ASTN1: variants seen among roughly 807,000 people sequenced by gnomAD.
ASTN1 encodes astrotactin 1.
A neutral mutation model predicts 140.7 loss-of-function variants in ASTN1; 41 were observed. That is an observed-to-expected ratio of 0.29 (90% confidence interval 0.23 to 0.38). The LOEUF is 0.38. ASTN1 is among the 10% of genes least tolerant of loss of function. ASTN1 has a pLI of 1.00. For missense variants in ASTN1, 1,479 were observed against 1,678.8 expected (o/e 0.88, Z 2.08); for synonymous variants, 640 against 652.2 (o/e 0.98, Z 0.29).
chr1:177,143,887 T>C, intron 1 of ASTN1, among the ~76,000 whole-genome samples: 1 of 152,138 alleles, frequency 6.6e-6, no homozygotes. Context: ...AAAATGACAA[T>C]TAGGAGAAGC....
At position 177,164,462 on chromosome 1, in the gene ASTN1, T is replaced by C. The variant is rs1647591557; in HGVS notation, c.215A>G (p.Asn72Ser). 1 of 1,613,554 alleles carries C rather than the reference T, an allele frequency of 6.2e-7. No homozygotes were observed. Among genetic ancestry groups the C allele is most frequent in the East Asian group, 2.2e-5 (1 of 44,810 alleles). Residue 72 changes from asparagine (N) to serine (S), a missense_variant, in exon 1 of 23, where the codon AAC (asparagine) becomes AGC (serine). Coordinates refer to ENST00000361833, the MANE Select transcript of ASTN1 (RefSeq NM_004319.3). ...CACGACCATTTCTCCCGGGAAGTCG[T>C]TGCGCACCGAGAAGAGGAGCTTGGG... ...SEPKLLFSVRNDFPGEMVVVD... is the reference protein window; with the variant it reads ...SEPKLLFSVRSDFPGEMVVVD...
At chr1:177,148,342 C>G (rs554701664) in intron 1 of ASTN1, among the ~76,000 whole-genome samples, 1 of 150,656 alleles carries the variant, frequency 6.6e-6, no homozygotes, top group Non-Finnish European at 1.5e-5. Context: ...GGCGTGAACC[C>G]GGGAGGTGGA....
At chr1:176,952,521 A>G (rs1307782893) in intron 11 of ASTN1, among the ~76,000 whole-genome samples, 1 of 152,052 alleles carries the variant, frequency 6.6e-6, no homozygotes, top group Non-Finnish European at 1.5e-5. Flanking sequence ...ACCCAAAATA[A>G]TTTTCTTCTT....
chr1:176,960,210 T>A (rs911316774), intron 9 of ASTN1, among the ~76,000 whole-genome samples: 2 of 152,194 alleles, frequency 1.3e-5, no homozygotes, highest in African/African-American at 4.8e-5. Flanking sequence ...CATTTCATAA[T>A]GGACATCCTT....
At chr1:176,938,952 T>TA (rs35635536) in intron 14 of ASTN1, among the ~76,000 whole-genome samples, 125 of 148,818 alleles carry the variant, frequency 8.4e-4, no homozygotes, top group South Asian at 1.1e-3. Flanking sequence ...CATCTTTACT[T>TA]AAAAAAAAAC....
At chr1:176,922,797 G>A (rs866440306) in intron 16 of ASTN1, among the ~76,000 whole-genome samples, 34 of 152,082 alleles carry the variant, frequency 2.2e-4, no homozygotes, top group African/African-American at 7.7e-4. Context: ...ATTTTACCCA[G>A]GGCAAGTTTT....
chr1:176,957,508 T>A (rs1439879962), intron 11 of ASTN1, among the ~76,000 whole-genome samples, 170 bp downstream of exon 11: 1 of 152,182 alleles, frequency 6.6e-6, no homozygotes, highest in Non-Finnish European at 1.5e-5. Context: ...ACTAACTGAT[T>A]CATGATTACC....
At chr1:176,999,709 G>A (rs1674626275) in intron 8 of ASTN1, among the ~76,000 whole-genome samples, 1 of 152,098 alleles carries the variant, frequency 6.6e-6, no homozygotes, top group Admixed American at 6.5e-5. Flanking sequence ...ATGTCAGTAT[G>A]GGGAGGGACC....
intron 17 of ASTN1, among the ~76,000 whole-genome samples, chr1:176,889,854 A>G (rs1255002437): frequency 2.0e-5 from 3 of 152,224 alleles, no homozygotes; most frequent in African/African-American, 7.2e-5. Context: ...CCTGAGTTCA[A>G]CATGACTCAC....
rs1259096805 is a variant in ASTN1, at chr1:177,164,708, G to A, written c.-32C>T. The stretch of plus-strand genomic sequence containing the variant: ...CCCCGGCCGCCTTCCTCCTAGCGCT[G>A]CGATGGTGGGGGAGGAAGCGAGCGG... On this transcript the variant is annotated 5_prime_UTR_variant, in exon 1 of 23. Transcript: ENST00000361833. 5 of 1,515,354 alleles carry A rather than the reference G, an allele frequency of 3.3e-6. No homozygotes were observed. Among genetic ancestry groups the A allele is most frequent in the Non-Finnish European group, 4.4e-6 (5 of 1,135,932 alleles). The allele number at this position is 1,515,354 out of a possible 1,614,324, so 93.9% of individuals were successfully genotyped here.
downstream of ASTN1, chr1:176,857,671 GA>G: frequency 6.9e-6 from 4 of 583,322 alleles, no homozygotes; most frequent in Middle Eastern, 4.1e-4. Flanking sequence ...AGGAGTGTGG[GA>G]AAAGTTTCAA....
chr1:177,002,717 G>T (rs576901106), intron 8 of ASTN1, among the ~76,000 whole-genome samples: 2 of 152,238 alleles, frequency 1.3e-5, no homozygotes, highest in Non-Finnish European at 2.9e-5. Flanking sequence ...GTTTGAACAA[G>T]AATCCATTGT....
chr1:177,013,304 C>G lies in ASTN1; in HGVS notation c.1523+1487G>C, dbSNP rs1675383642. 2.0e-5 allele frequency among the ~76,000 whole-genome samples: 3 copies of G among 152,142 alleles called. No individual in the cohort carries two copies. In the South Asian group the frequency reaches 6.2e-4, roughly 32 times the overall value. On this transcript the variant is annotated intron_variant, in intron 8 of 22. Transcript: ENST00000361833. ...GTTTTCTGACCTGTGACTCAGATTT[C>G]CTTTCCCCAACTGCATTTTCTCTTG...
intron 8 of ASTN1, among the ~76,000 whole-genome samples, chr1:176,967,666 T>C (rs1459219322): frequency 1.3e-5 from 2 of 152,218 alleles, no homozygotes; most frequent in African/African-American, 2.4e-5. Flanking sequence ...CAATTAGCTA[T>C]GCAGAATGAC....
chr1:176,884,591 C>A (rs1668952817), intron 18 of ASTN1, 101 bp from the exon 19 acceptor site: 2 of 1,325,092 alleles, frequency 1.5e-6, no homozygotes, highest in Non-Finnish European at 2.1e-6. Flanking sequence ...TCTTTCCCAA[C>A]CAACTACAAA....
intron 8 of ASTN1, among the ~76,000 whole-genome samples, chr1:177,004,091 C>G (rs1047229457): frequency 6.6e-6 from 1 of 152,154 alleles, no homozygotes; most frequent in Admixed American, 6.5e-5. Flanking sequence ...AAAATTTCCT[C>G]CAAGAGTCCT....
chr1:176,992,120 C>G (rs1376353096), intron 8 of ASTN1, among the ~76,000 whole-genome samples: 1 of 152,096 alleles, frequency 6.6e-6, no homozygotes, highest in Non-Finnish European at 1.5e-5. Flanking sequence ...TTCAAAATAT[C>G]TCACAGTGCC....
intron 8 of ASTN1, among the ~76,000 whole-genome samples, chr1:176,965,789 C>A (rs1672854912): frequency 6.6e-6 from 1 of 152,188 alleles, no homozygotes. Flanking sequence ...ATAGGATATT[C>A]AACATGTTTT....
intron 8 of ASTN1, among the ~76,000 whole-genome samples, chr1:177,009,642 G>C (rs1280418302): frequency 6.6e-6 from 1 of 152,240 alleles, no homozygotes; most frequent in African/African-American, 2.4e-5. Flanking sequence ...CATGGGCCAT[G>C]TATGAGTAAG....
Sources: allele counts gnomAD v4.1 joint callset (sites outside exome capture counted in the v4.1 genomes callset), GRCh38; gene constraint gnomAD v4.1.1; transcripts MANE v1.5; gene names NCBI Gene and HGNC (gene_info 2026-07-23, HGNC 2026-07-21).